PPRC1: variants seen among roughly 807,000 people sequenced by gnomAD.
PPRC1 encodes PPARG related coactivator 1.
PPRC1 carries 23 observed loss-of-function variants against 132.5 expected under a neutral mutation model. The ratio of observed to expected loss-of-function variants is 0.17; its 90% confidence interval spans 0.12 to 0.25. The LOEUF is 0.25. Ranked by LOEUF, PPRC1 falls within the 10% of genes least tolerant of loss-of-function variation. The pLI is 1.00. For synonymous variants in PPRC1, 872 were observed against 833.5 expected, an observed-to-expected ratio of 1.05 and a Z score of -0.80; for missense variants, 2,006 against 2,089.1, an observed-to-expected ratio of 0.96 and a Z score of 0.78.
At chr10:102,137,049 T>C (rs1274984762) in intron 1 of PPRC1, among the ~76,000 whole-genome samples, 1 of 152,160 alleles carries the variant, frequency 6.6e-6, no homozygotes, top group Non-Finnish European at 1.5e-5. Flanking sequence ...GCCTTCAAAA[T>C]AAGTGTCGGC....
chr10:102,142,110 G>A, intron 5 of PPRC1, 106 bp downstream of exon 5: 1 of 1,355,044 alleles, frequency 7.4e-7, no homozygotes, highest in South Asian at 1.5e-5. Flanking sequence ...TTCTTTGGAG[G>A]AGTTTTTTTG....
the PPRC1 span, among the ~76,000 whole-genome samples, chr10:102,124,093 C>G: frequency 6.7e-6 from 1 of 149,842 alleles, no homozygotes; most frequent in Admixed American, 6.7e-5. Flanking sequence ...TAGACAGAGT[C>G]TCGCTCTTGT....
chr10:102,128,594 G>A (rs1487630802), upstream of PPRC1, among the ~76,000 whole-genome samples: 2 of 151,644 alleles, frequency 1.3e-5, no homozygotes, highest in Non-Finnish European at 2.9e-5. Flanking sequence ...GAGCCCCTAA[G>A]CCCACAGCTG....
chr10:102,127,173 A>G, the PPRC1 span, among the ~76,000 whole-genome samples: 1 of 150,870 alleles, frequency 6.6e-6, no homozygotes, highest in Non-Finnish European at 1.5e-5. Flanking sequence ...TCAGGAGTTC[A>G]AGATCAGCCT....
chr10:102,123,380 G>A, the PPRC1 span, among the ~76,000 whole-genome samples: 3 of 151,952 alleles, frequency 2.0e-5, no homozygotes, highest in Non-Finnish European at 4.4e-5. Context: ...GGTAGGAAGG[G>A]GGTGGAGTCT....
In PPRC1 at chr10:102,141,677, G is replaced by T. The variant is rs746418304; in HGVS notation, c.3169G>T (p.Val1057Phe). 3.1e-6 allele frequency: 5 copies of T among 1,613,996 alleles called. No homozygotes were observed. In the East Asian group the frequency reaches 1.1e-4, roughly 36 times the overall value. ...TCAGACAGAGCCTACCAAGGTGGAG[G>T]TCAAGCCAGTGCCTGCATCTCCCCA... ...APQTEPTKVE[V>F]KPVPASPHPK... The change falls in exon 5 of 14, where the codon GTC (valine) becomes TTC (phenylalanine). Residue 1057 changes from valine (V) to phenylalanine (F), a missense_variant. Coordinates refer to ENST00000278070, the MANE Select transcript of PPRC1 (RefSeq NM_015062.5).
the PPRC1 span, among the ~76,000 whole-genome samples, chr10:102,126,345 A>T: frequency 1.0e-4 from 1 of 9,890 alleles, no homozygotes; most frequent in African/African-American, 2.6e-4. Flanking sequence ...GACTCAAAAG[A>T]AAAAAAAAAG....
the PPRC1 span, among the ~76,000 whole-genome samples, chr10:102,125,884 C>CA: frequency 2.8e-5 from 4 of 143,766 alleles, no homozygotes; most frequent in Non-Finnish European, 6.1e-5. Context: ...TTTTTTTAGA[C>CA]AGAGTTTCGC....
At position 102,148,750 on chromosome 10, in the gene PPRC1, C is replaced by T. The variant is rs1195163852; in HGVS notation, c.4617+56C>T. ...GGGCTTACCCCCTGAGCCTTGAGCT[C>T]AGAGAGCTGCCTGCAGCTGTAGCCC... On this transcript the variant is annotated intron_variant, in intron 11 of 13. Transcript: ENST00000278070. The surrounding 1 kb of genome is among the most constrained non-coding windows in gnomAD (Gnocchi z 4.2). 7.4e-6 allele frequency: 12 copies of T among 1,614,116 alleles called. No homozygotes were observed. Among genetic ancestry groups the T allele is most frequent in the Non-Finnish European group, 8.5e-6 (10 of 1,179,970 alleles).
chr10:102,126,456 AACTT>A, the PPRC1 span, among the ~76,000 whole-genome samples: 1 of 149,938 alleles, frequency 6.7e-6, no homozygotes, highest in Admixed American at 6.6e-5. Context: ...TGTGAACTAT[AACTT>A]TTTTTTTTTT....
At chr10:102,121,126 G>GA in the PPRC1 span, among the ~76,000 whole-genome samples, 1 of 152,154 alleles carries the variant, frequency 6.6e-6, no homozygotes, top group African/African-American at 2.4e-5. Context: ...AAGGGCTTGG[G>GA]ATCTGTGTTT....
At chr10:102,127,438 G>A in the PPRC1 span, among the ~76,000 whole-genome samples, 1 of 152,138 alleles carries the variant, frequency 6.6e-6, no homozygotes, top group Non-Finnish European at 1.5e-5. Flanking sequence ...TTGAAGTGCA[G>A]TGGCGCAATC....
rs766135676 is a variant in PPRC1 at position 102,146,806 on chromosome 10, A to G, written c.3814A>G (p.Lys1272Glu). 6 of 1,613,994 alleles carry G rather than the reference A, an allele frequency of 3.7e-6. No individual in the cohort carries two copies. In the East Asian group the frequency reaches 1.3e-4, roughly 36 times the overall value. Residue 1272 changes from lysine (K) to glutamate (E), a missense_variant, in exon 9 of 14, where the codon AAA becomes GAA. By Grantham distance (56) the Lys-to-Glu change is moderately conservative. Around this residue, in one of 2 missense-constraint regions of PPRC1, gnomAD observed 1,914 missense variants for 1,917.2 expected, o/e 1.00. Transcript: ENST00000278070. ...TLKPEGVTEA[K>E]HPAAVRLQEG... ...GAAGCCTGAAGGAGTTACGGAGGCC[A>G]AACATCCAGCTGCAGTTCGCCTCCA...
Position 102,141,362 on chromosome 10 carries a change from G to A in PPRC1, c.2854G>A (p.Ala952Thr). ...GCCCCTAGTGTCTGGTACTCCTGGTGCCTATGCCGTGCCTCCCACTTGCAG... is the reference window on the plus strand; with the variant it reads ...GCCCCTAGTGTCTGGTACTCCTGGTACCTATGCCGTGCCTCCCACTTGCAG... ...TVPLVSGTPG[A>T]YAVPPTCSVP... The change falls in exon 5 of 14, where the codon GCC (alanine) becomes ACC (threonine). Residue 952 changes from alanine (A) to threonine (T), a missense_variant. Coordinates refer to ENST00000278070, the MANE Select transcript of PPRC1 (RefSeq NM_015062.5). 6.2e-7 allele frequency: 1 copy of A among 1,613,994 alleles called. No homozygotes were observed. Among genetic ancestry groups the A allele is most frequent in the South Asian group, 1.1e-5 (1 of 91,070 alleles).
intron 6 of PPRC1, 29 bp downstream of exon 6, chr10:102,143,127 A>C (rs765541822): frequency 9.4e-6 from 15 of 1,600,084 alleles, no homozygotes; most frequent in Non-Finnish European, 1.3e-5. Context: ...TTTTGCTCCA[A>C]CTCTTTTTTT....
chr10:102,141,846 C>A lies in PPRC1; in HGVS notation c.3338C>A (p.Pro1113His). Residue 1113 changes from proline to histidine, a missense_variant, in exon 5 of 14, where the codon CCC becomes CAC. Physicochemically the swap from Pro to His is moderately conservative, Grantham distance 77 (BLOSUM62 -2). Around this residue, in one of 2 missense-constraint regions of PPRC1, gnomAD observed 1,914 missense variants for 1,917.2 expected, o/e 1.00. Transcript: ENST00000278070. ...CAAGAGACCAGGCCCAGGGAGAAGC[C>A]CCCCTTGCCTGCTACCAAGGCTGTT... ...ETQETRPREK[P>H]PLPATKAVPT... 6.2e-7 allele frequency: 1 copy of A among 1,614,068 alleles called. No homozygotes were observed. The highest frequency in any genetic ancestry group is 8.5e-7 in the Non-Finnish European group (1 of 1,180,004).
rs759964876 is a variant in PPRC1 at position 102,139,617 on chromosome 10, C to T, written c.1109C>T (p.Pro370Leu). 7 of 1,613,978 alleles carry T rather than the reference C, an allele frequency of 4.3e-6. No homozygotes were observed. The South Asian group carries it at 6.6e-5, about 15-fold the overall frequency. ...CCAGTTGTGGTGCGACAGGTCTCTC[C>T]TGGACCCCGGCCTGTGCTCCTGGAT... ...EIPVVVRQVS[P>L]GPRPVLLDDS... The change falls in exon 5 of 14, where the codon CCT becomes CTT. Residue 370 changes from proline to leucine, a missense_variant. Physicochemically the swap from Pro to Leu is moderately conservative, Grantham distance 98. This residue lies in a region of PPRC1 where 1,914 missense variants were observed against 1,917.2 expected (regional missense o/e 1.00). Coordinates refer to ENST00000278070, the MANE Select transcript of PPRC1 (RefSeq NM_015062.5).
upstream of PPRC1, among the ~76,000 whole-genome samples, chr10:102,128,950 G>T (rs2133562958): frequency 1.2e-4 from 9 of 74,622 alleles, no homozygotes; most frequent in East Asian, 4.3e-4. Flanking sequence ...TTTTTTTTGA[G>T]ACGGAGTCTC....
upstream of PPRC1, among the ~76,000 whole-genome samples, chr10:102,129,495 T>G (rs1199030082): frequency 7.9e-5 from 12 of 152,234 alleles, no homozygotes; most frequent in Non-Finnish European, 1.5e-4. Flanking sequence ...TTTCTTCAGA[T>G]GCTGAATAAA....
Sources: gnomAD v4.1 joint callset for allele counts (sites outside exome capture counted in the v4.1 genomes callset) on GRCh38, gnomAD v4.1.1 for gene constraint, gnomAD v4.1.1 regional missense constraint, Gnocchi (gnomAD v3.1) non-coding constraint, MANE v1.5 for transcripts, NCBI Gene and HGNC (gene_info 2026-07-23, HGNC 2026-07-21) for gene names.